Variants in FRMPD4 observed in about 807,000 individuals in gnomAD.
FRMPD4 encodes the protein FERM and PDZ domain containing 4, also known as FERM and PDZ domain-containing protein 4.
In FRMPD4, 22 loss-of-function variants were observed where a neutral mutation model predicts 94.1. The ratio of observed to expected loss-of-function variants is 0.23; its 90% CI spans 0.17 to 0.33. The LOEUF (loss-of-function observed/expected upper bound fraction) is 0.33, where lower values mean the gene tolerates loss of function less well. Ranked by LOEUF, FRMPD4 falls within the 10% of genes least tolerant of loss-of-function variation. FRMPD4 has a pLI of 1.00. For synonymous variants in FRMPD4, 631 were observed against 548.6 expected, an observed-to-expected ratio of 1.15 and a Z score of -2.10; for missense variants, 1,111 against 1,339.9, an observed-to-expected ratio of 0.83 and a Z score of 2.67.
At chrX:12,275,618 A>G (rs2054423050) in intron 1 of FRMPD4, among the ~76,000 whole-genome samples, 1 of 108,561 alleles carries the variant, frequency 9.2e-6, no homozygotes, top group South Asian at 4.1e-4. Flanking sequence ...AGAGGACTTG[A>G]TGCAAACTGT....
chrX:11,999,322 C>A (rs758247361), intron 3 of FRMPD4, among the ~76,000 whole-genome samples: 1 of 111,964 alleles, frequency 8.9e-6, no homozygotes, highest in African/African-American at 3.2e-5. Context: ...GCTAGCTATA[C>A]AACATCCAAA....
At chrX:12,198,396 G>A (rs2056591039) in intron 1 of FRMPD4, among the ~76,000 whole-genome samples, 1 of 111,602 alleles carries the variant, frequency 9.0e-6, no homozygotes, top group Non-Finnish European at 1.9e-5. Flanking sequence ...ACTCGCCTTG[G>A]TGTCTTGTTA....
chrX:12,091,441 G>A (rs1365997191), intron 3 of FRMPD4, among the ~76,000 whole-genome samples: 2 of 112,299 alleles, frequency 1.8e-5, no homozygotes, highest in African/African-American at 3.2e-5. Flanking sequence ...GTGAATAAAT[G>A]AGCATGTCTA....
intron 3 of FRMPD4, among the ~76,000 whole-genome samples, chrX:11,965,484 A>G (rs1305768779): frequency 8.9e-6 from 1 of 112,016 alleles, no homozygotes; most frequent in Non-Finnish European, 1.9e-5. Flanking sequence ...CTTATATCAG[A>G]GTCTAAAAAC....
chrX:12,422,788 T>C (rs946746479), intron 1 of FRMPD4, among the ~76,000 whole-genome samples: 2 of 112,345 alleles, frequency 1.8e-5, no homozygotes, highest in African/African-American at 6.5e-5. Context: ...TAATCTGTTA[T>C]AGATGAAGGG....
rs909577678 is a variant in FRMPD4, at chrX:12,720,514, T to G, written c.3965-20T>G. On this transcript the variant is annotated intron_variant, in intron 16 of 16. Coordinates refer to ENST00000675598, the MANE Select transcript of FRMPD4 (RefSeq NM_001368397.1). Reference sequence around the variant, plus strand: ...AGATGCTTAATGATTCTCTCTGTTTTTCTACTACCCCTAGTGTAGCTTTGA... The same window carrying G: ...AGATGCTTAATGATTCTCTCTGTTTGTCTACTACCCCTAGTGTAGCTTTGA... 2.4e-5 allele frequency: 29 copies of G among 1,204,250 alleles called. No individual in the cohort carries two copies. The highest frequency in any genetic ancestry group is 3.1e-5 in the Non-Finnish European group (28 of 889,872).
intron 5 of FRMPD4, among the ~76,000 whole-genome samples, chrX:12,680,481 G>T (rs1466377117): frequency 2.7e-5 from 3 of 112,315 alleles, no homozygotes; most frequent in Non-Finnish European, 3.8e-5. Context: ...AGTGGAATAA[G>T]CCAGTATTTT....
chrX:12,694,325 A>T lies in FRMPD4; in HGVS notation c.814-10A>T. ...TGAAGGGTTCTTGTGTGATTGGTCTACTCTTCCAGGTGACACAGAGGCCCA... is the reference window on the plus strand; with the variant it reads ...TGAAGGGTTCTTGTGTGATTGGTCTTCTCTTCCAGGTGACACAGAGGCCCA... On this transcript the variant is annotated splice_polypyrimidine_tract_variant and intron_variant, in intron 8 of 16. Transcript: ENST00000675598. 2 of 1,197,909 alleles carry T rather than the reference A, an allele frequency of 1.7e-6. No individual in the cohort carries two copies. Among genetic ancestry groups the T allele is most frequent in the Non-Finnish European group, 2.3e-6 (2 of 883,429 alleles).
At chrX:12,666,652 A>T (rs2059783610) in intron 4 of FRMPD4, among the ~76,000 whole-genome samples, 1 of 112,141 alleles carries the variant, frequency 8.9e-6, no homozygotes. Flanking sequence ...ACTACATGGA[A>T]ACTGAACAAC....
intron 3 of FRMPD4, among the ~76,000 whole-genome samples, chrX:11,959,170 G>A (rs1033363010): frequency 3.6e-5 from 4 of 112,593 alleles, no homozygotes; most frequent in African/African-American, 6.5e-5. Flanking sequence ...ACTGAAGAAT[G>A]ACAAGATTCA....
intron 1 of FRMPD4, among the ~76,000 whole-genome samples, chrX:12,310,350 C>A (rs1315843522): frequency 9.0e-6 from 1 of 110,657 alleles, no homozygotes; most frequent in African/African-American, 3.3e-5. Flanking sequence ...GGTGGAATGT[C>A]ATCAGTTAAG....
rs183978781 is a variant in FRMPD4, at chrX:12,520,388, T to C, written c.158+21592T>C. On this transcript the variant is annotated intron_variant, in intron 2 of 16. Coordinates refer to ENST00000675598, the MANE Select transcript of FRMPD4 (RefSeq NM_001368397.1). Reference sequence around the variant, plus strand: ...AAACAGATGAAGGACAGTTGTTTAATGGGTATAAACTTTCACTTTTGCAAA... The same window carrying C: ...AAACAGATGAAGGACAGTTGTTTAACGGGTATAAACTTTCACTTTTGCAAA... Among the ~76,000 whole-genome samples the C allele has an allele frequency of 6.2e-5, 7 of 112,180 alleles. No homozygotes were observed. In the East Asian group the frequency reaches 1.7e-3, roughly 27 times the overall value.
At chrX:12,400,623 G>A (rs1178717621) in intron 1 of FRMPD4, among the ~76,000 whole-genome samples, 2 of 112,165 alleles carry the variant, frequency 1.8e-5, no homozygotes, top group Non-Finnish European at 3.8e-5. Context: ...TAGGATGGAT[G>A]CCAAGCTGCC....
intron 2 of FRMPD4, among the ~76,000 whole-genome samples, chrX:12,505,051 T>C (rs1347013582): frequency 8.9e-6 from 1 of 111,770 alleles, no homozygotes; most frequent in African/African-American, 3.3e-5. Flanking sequence ...CTATGCTGTA[T>C]ATAGCCCCTA....
intron 3 of FRMPD4, among the ~76,000 whole-genome samples, chrX:11,987,724 G>T: frequency 8.9e-6 from 1 of 111,751 alleles, no homozygotes; most frequent in Non-Finnish European, 1.9e-5. Flanking sequence ...ATTCAGTAAA[G>T]TTAAAAGATA....
chrX:12,718,533 A>G lies in FRMPD4; in HGVS notation c.3707A>G (p.Glu1236Gly). The change falls in exon 16 of 17, where the codon GAG becomes GGG. Residue 1236 changes from glutamate to glycine, a missense_variant. Glu to Gly is a moderately conservative substitution (Grantham distance 98). Coordinates refer to ENST00000675598, the MANE Select transcript of FRMPD4 (RefSeq NM_001368397.1). ...GGCAGTGCCTGTGCCACACCCGTGG[A>G]GTCGCCGCTCTGCCCCTCCCTGGGG... ...SSGSACATPV[E>G]SPLCPSLGKH... 1 of 1,199,627 alleles carries G rather than the reference A, an allele frequency of 8.3e-7. No individual in the cohort carries two copies. Among genetic ancestry groups the G allele is most frequent in the African/African-American group, 1.7e-5 (1 of 57,598 alleles).
intron 3 of FRMPD4, among the ~76,000 whole-genome samples, chrX:12,040,303 ATTT>A (rs375661441): frequency 2.3e-5 from 2 of 87,778 alleles, no homozygotes. Context: ...GTATCTCGTA[ATTT>A]TTTTTTTTTT....
At chrX:11,851,906 A>C (rs1383338998) in intron 1 of FRMPD4, among the ~76,000 whole-genome samples, 1 of 105,946 alleles carries the variant, frequency 9.4e-6, no homozygotes, top group African/African-American at 3.4e-5. Context: ...TGGGATGTGA[A>C]TTATATGCAG....
At chrX:12,245,140 C>T (rs938428611) in intron 1 of FRMPD4, among the ~76,000 whole-genome samples, 3 of 112,005 alleles carry the variant, frequency 2.7e-5, no homozygotes, top group African/African-American at 9.7e-5. Flanking sequence ...CCCAAACCTG[C>T]ATATGTTGAG....
Sources: gnomAD v4.1 joint callset for allele counts (sites outside exome capture counted in the v4.1 genomes callset) on GRCh38, gnomAD v4.1.1 for gene constraint, MANE v1.5 for transcripts, NCBI Gene and HGNC (gene_info 2026-07-23, HGNC 2026-07-21) for gene names.